The following RTN1 variants were observed in gnomAD, a reference collection of about 807,000 sequenced individuals.
The protein encoded by RTN1 is reticulon-1.
RTN1 carries 25 observed loss-of-function variants against 65.5 expected under a neutral mutation model. The ratio of observed to expected loss-of-function variants is 0.38; its 90% CI spans 0.28 to 0.53. RTN1 has a LOEUF of 0.53. Among genes scored for constraint, RTN1 ranks in the 20% least tolerant of loss-of-function variants. The pLI is 0.79. For synonymous variants in RTN1, 471 were observed against 447.6 expected (o/e 1.05, Z -0.66); for missense variants, 983 against 1,025.4 (o/e 0.96, Z 0.57).
intron 3 of RTN1, among the ~76,000 whole-genome samples, chr14:59,640,248 T>A (rs980613414): frequency 3.3e-5 from 5 of 152,220 alleles, no homozygotes; most frequent in Admixed American, 6.5e-5. Flanking sequence ...ATTCCATTTT[T>A]AAATTTCTGC....
chr14:59,606,418 T>C (rs1044916258), intron 4 of RTN1, among the ~76,000 whole-genome samples: 2 of 151,364 alleles, frequency 1.3e-5, no homozygotes, highest in Non-Finnish European at 2.9e-5. Flanking sequence ...CTTGTGGGGG[T>C]GATTAGGTCA....
At chr14:59,678,811 A>T (rs997457885) in intron 3 of RTN1, among the ~76,000 whole-genome samples, 10 of 152,236 alleles carry the variant, frequency 6.6e-5, no homozygotes, top group African/African-American at 2.4e-4. Flanking sequence ...CTTCAGAAGC[A>T]CTGGGGGAGT....
chr14:59,662,305 C>T, intron 3 of RTN1, among the ~76,000 whole-genome samples: 1 of 142,110 alleles, frequency 7.0e-6, no homozygotes, highest in African/African-American at 2.6e-5. Flanking sequence ...TGCTATCCTT[C>T]CCCCCTCCCC....
At position 59,827,065 on chromosome 14, in the gene RTN1, T is replaced by TTTGTTG. The variant is rs144561240; in HGVS notation, c.241+43319_241+43324dup. On this transcript the variant is annotated intron_variant, in intron 1 of 8. Transcript: ENST00000267484. The stretch of plus-strand genomic sequence containing the variant: ...TCAACAAGGACATGTGTATATGTGT[T>TTTGTTG]TTGTTGTTGTTGTTGTTGTTGTTGT... Among the ~76,000 whole-genome samples, 477 of 151,240 alleles carry TTTGTTG rather than the reference T, an allele frequency of 3.2e-3. 6 individuals are homozygous for TTTGTTG. The highest frequency in any genetic ancestry group is 0.011 in the African/African-American group (440 of 41,064).
intron 3 of RTN1, among the ~76,000 whole-genome samples, chr14:59,638,085 C>T (rs1376305910): frequency 6.6e-6 from 1 of 152,134 alleles, no homozygotes; most frequent in Non-Finnish European, 1.5e-5. Context: ...CTCCTGATCT[C>T]AGGTGATCCG....
chr14:59,748,300 C>T (rs947326413), intron 1 of RTN1, among the ~76,000 whole-genome samples: 1 of 147,938 alleles, frequency 6.8e-6, no homozygotes, highest in Non-Finnish European at 1.5e-5. Flanking sequence ...TTTTTGGTTG[C>T]ACAAGCTATT....
Position 59,870,706 on chromosome 14 carries a change from G to A in RTN1, c.-76C>T. 2 of 1,290,042 alleles carry A rather than the reference G, an allele frequency of 1.6e-6. No individual in the cohort carries two copies. Among genetic ancestry groups the A allele is most frequent in the South Asian group, 2.4e-5 (1 of 41,374 alleles). 79.9% of individuals were successfully genotyped at this position (1,290,042 alleles called of 1,614,324 possible). Reference sequence around the variant, plus strand: ...GGTGGCTGCGCGGGCGCTCCCTGCTGCTGTCCCCGGAGGGACTCGGCGCTC... The same window carrying A: ...GGTGGCTGCGCGGGCGCTCCCTGCTACTGTCCCCGGAGGGACTCGGCGCTC... On this transcript the variant is annotated 5_prime_UTR_variant, in exon 1 of 9. Coordinates refer to ENST00000267484, the MANE Select transcript of RTN1 (RefSeq NM_021136.3). This position sits in a 1 kb window ranked among gnomAD's most constrained non-coding sequence, Gnocchi z 5.1.
intron 1 of RTN1, among the ~76,000 whole-genome samples, chr14:59,793,636 CCACACACACA>C (rs766243780): frequency 2.8e-5 from 4 of 144,214 alleles, no homozygotes; most frequent in African/African-American, 1.0e-4. Context: ...CAGGCACACA[CCACACACACA>C]CACACACACA....
intron 1 of RTN1, among the ~76,000 whole-genome samples, chr14:59,778,348 T>G (rs1461420560): frequency 6.6e-5 from 10 of 152,354 alleles, no homozygotes; most frequent in Non-Finnish European, 4.4e-5. Flanking sequence ...AATTAATGAA[T>G]GGCTTTTGTT....
At chr14:59,599,808 C>T (rs994378347) in intron 8 of RTN1, among the ~76,000 whole-genome samples, 1 of 152,150 alleles carries the variant, frequency 6.6e-6, no homozygotes, top group Non-Finnish European at 1.5e-5. Flanking sequence ...TTTCTTTCTT[C>T]TCATTTGAAG....
chr14:59,702,812 G>A (rs1884208385), intron 3 of RTN1, among the ~76,000 whole-genome samples: 1 of 152,170 alleles, frequency 6.6e-6, no homozygotes, highest in South Asian at 2.1e-4. Flanking sequence ...ACCCCATGGG[G>A]GTCCCATTGC....
At chr14:59,764,769 T>C (rs1159350526) in intron 1 of RTN1, among the ~76,000 whole-genome samples, 2 of 152,220 alleles carry the variant, frequency 1.3e-5, no homozygotes, top group Non-Finnish European at 2.9e-5. Flanking sequence ...TTTTGTTATC[T>C]TTTATATGAA....
intron 3 of RTN1, among the ~76,000 whole-genome samples, chr14:59,616,097 T>A (rs1333354531): frequency 6.6e-6 from 1 of 152,210 alleles, no homozygotes; most frequent in African/African-American, 2.4e-5. Flanking sequence ...AACATTTGGC[T>A]TATTTGGTAC....
intron 1 of RTN1, among the ~76,000 whole-genome samples, chr14:59,793,670 A>G (rs1183023959): frequency 6.6e-6 from 1 of 151,944 alleles, no homozygotes; most frequent in Non-Finnish European, 1.5e-5. Flanking sequence ...ACACACACAC[A>G]CAGAGTGATG....
At chr14:59,626,190 C>T (rs1882394898) in intron 3 of RTN1, among the ~76,000 whole-genome samples, 1 of 152,048 alleles carries the variant, frequency 6.6e-6, no homozygotes, top group Non-Finnish European at 1.5e-5. Context: ...ATTATTTCCT[C>T]GGTGTATTCT....
intron 3 of RTN1, among the ~76,000 whole-genome samples, chr14:59,721,647 TATTTCTCA>T (rs1297657070): frequency 6.6e-6 from 1 of 152,208 alleles, no homozygotes; most frequent in Admixed American, 6.5e-5. Flanking sequence ...CTTAAAGAAA[TATTTCTCA>T]ATCTGGGTCA....
chr14:59,863,816 TAAC>T (rs900517207), intron 1 of RTN1, among the ~76,000 whole-genome samples: 1 of 152,244 alleles, frequency 6.6e-6, no homozygotes, highest in Non-Finnish European at 1.5e-5. Flanking sequence ...CCCCAGCTAA[TAAC>T]AACTTCATTC....
At chr14:59,726,672 A>AT (rs1437973450) in intron 3 of RTN1, among the ~76,000 whole-genome samples, 12 of 152,186 alleles carry the variant, frequency 7.9e-5, no homozygotes, top group African/African-American at 2.7e-4. Flanking sequence ...AAAACCGCTC[A>AT]TTATTAGGGA....
chr14:59,866,610 G>A (rs1453095522), intron 1 of RTN1, among the ~76,000 whole-genome samples: 1 of 152,108 alleles, frequency 6.6e-6, no homozygotes, highest in Non-Finnish European at 1.5e-5. Flanking sequence ...TTCCAGAAAT[G>A]GTATTGATTG....
Sources: gnomAD v4.1 joint callset for allele counts (sites outside exome capture counted in the v4.1 genomes callset) on GRCh38, gnomAD v4.1.1 for gene constraint, Gnocchi (gnomAD v3.1) non-coding constraint, MANE v1.5 for transcripts, NCBI Gene and HGNC (gene_info 2026-07-23, HGNC 2026-07-21) for gene names.